UBASH3A: variants seen among roughly 807,000 people sequenced by gnomAD.
UBASH3A encodes ubiquitin associated and SH3 domain containing A.
Under a neutral mutation model 73.5 loss-of-function variants are expected in UBASH3A, and 63 were observed. That is an observed-to-expected ratio of 0.86 (90% CI 0.70 to 1.06). The LOEUF (loss-of-function observed/expected upper bound fraction) is 1.06. Ranked by LOEUF, UBASH3A falls within the 50% of genes least tolerant of loss-of-function variation. The pLI is 0.00. For synonymous variants in UBASH3A, 363 were observed against 351.1 expected (o/e 1.03, Z -0.38); for missense variants, 860 against 859.0 (o/e 1.00, Z -0.02).
chr21:42,416,585 C>T lies in UBASH3A; in HGVS notation c.811C>T (p.Arg271Ter), dbSNP rs750130214. 53 of 1,602,138 alleles carry T rather than the reference C, an allele frequency of 3.3e-5. No homozygotes were observed. The highest frequency in any genetic ancestry group is 4.1e-5 in the Non-Finnish European group (48 of 1,174,770). ...SCQWTAALYS[R>*]DMRFVHYQTL... ...CCAGTGGACCGCAGCACTCTACTCC[C>T]GAGACATGCGCTTTGTGCACTACCA... Residue 271 changes from arginine to a stop codon, truncating the protein, a stop_gained, in exon 6 of 15, where the codon CGA becomes TGA. Coordinates refer to ENST00000319294, the MANE Select transcript of UBASH3A (RefSeq NM_018961.4). LOFTEE classifies it high-confidence loss of function.
At chr21:42,441,189 A>G (rs772018391) in intron 11 of UBASH3A, among the ~76,000 whole-genome samples, 3 of 152,150 alleles carry the variant, frequency 2.0e-5, no homozygotes, top group Non-Finnish European at 2.9e-5. Flanking sequence ...CCTGCTTATC[A>G]GATGGTGTCT....
chr21:42,411,456 GCAC>G (rs1169215097), intron 3 of UBASH3A, among the ~76,000 whole-genome samples: 4 of 150,554 alleles, frequency 2.7e-5, no homozygotes, highest in African/African-American at 7.3e-5. Flanking sequence ...ACACACATAA[GCAC>G]CACATGCACA....
At chr21:42,409,872 C>T (rs1270831937) in intron 3 of UBASH3A, among the ~76,000 whole-genome samples, 1 of 152,146 alleles carries the variant, frequency 6.6e-6, no homozygotes, top group East Asian at 1.9e-4. Context: ...GAGTTGCTGC[C>T]CATTTTCTCG....
intron 11 of UBASH3A, among the ~76,000 whole-genome samples, chr21:42,439,701 CCACA>C (rs941670620): frequency 7.3e-6 from 1 of 137,844 alleles, no homozygotes; most frequent in Admixed American, 7.2e-5. Context: ...CTACACACAC[CCACA>C]CACACACCAT....
intron 1 of UBASH3A, among the ~76,000 whole-genome samples, chr21:42,405,991 G>A (rs542877299): frequency 6.7e-6 from 1 of 148,922 alleles, no homozygotes; most frequent in African/African-American, 2.6e-5. Flanking sequence ...AGTGGGGGGG[G>A]GGGGGGCAGG....
At chr21:42,446,123 C>G (rs750219638) in intron 14 of UBASH3A, among the ~76,000 whole-genome samples, 116 of 152,328 alleles carry the variant, frequency 7.6e-4, no homozygotes, top group Middle Eastern at 3.4e-3. Context: ...AACCCATGAG[C>G]CTTTGTGGCC....
chr21:42,417,664 G>A (rs4296513), intron 6 of UBASH3A: 1 of 151,920 alleles, frequency 6.6e-6, no homozygotes, highest in Non-Finnish European at 1.5e-5. Context: ...GATGGGTTTA[G>A]AAACGAAGTG....
Position 42,410,135 on chromosome 21 carries a change from G to GA in UBASH3A, c.354+535dup, listed in dbSNP as rs376818643. On this transcript the variant is annotated intron_variant, in intron 3 of 14. Coordinates refer to ENST00000319294, the MANE Select transcript of UBASH3A (RefSeq NM_018961.4). ...TCTCAGGGACCAGCCGTCTGATTCA[G>GA]AAAAAAAATGGCCCAGTGGGTAGCT... The GA allele has an allele frequency of 3.3e-5, 23 of 701,906 alleles. No individual in the cohort carries two copies. The Middle Eastern group carries it at 7.1e-4, about 22-fold the overall frequency. The allele number at this position is 701,906 out of a possible 1,614,324, so 43.5% of individuals were successfully genotyped here.
chr21:42,443,334 C>G lies in UBASH3A; in HGVS notation c.1654C>G (p.Leu552Val). ...DYRPAFPLSA[L>V]MPAESYQEYM... ...CAGGCCCGCGTTTCCCCTGTCCGCC[C>G]TCATGCCGGCCGAGAGCTACCAGGA... is the stretch of plus-strand genomic sequence containing the variant. Residue 552 changes from leucine to valine, a missense_variant, in exon 13 of 15, where the codon CTC becomes GTC. Transcript: ENST00000319294. The G allele has an allele frequency of 6.2e-7, 1 of 1,613,402 alleles. No individual in the cohort carries two copies. Among genetic ancestry groups the G allele is most frequent in the South Asian group, 1.1e-5 (1 of 90,912 alleles).
At chr21:42,446,388 A>G (rs1205665505) in intron 14 of UBASH3A, among the ~76,000 whole-genome samples, 1 of 152,208 alleles carries the variant, frequency 6.6e-6, no homozygotes, top group Non-Finnish European at 1.5e-5. Flanking sequence ...CCTCGCCCAC[A>G]GCCTCTGCAA....
At chr21:42,416,748 A>G in intron 6 of UBASH3A, 137 bp downstream of exon 6, 2 of 870,618 alleles carry the variant, frequency 2.3e-6, no homozygotes, top group South Asian at 2.5e-5. Context: ...CCTGGCTAAC[A>G]TGGTGAAACC....
intron 13 of UBASH3A, among the ~76,000 whole-genome samples, chr21:42,444,265 C>G (rs1310376261): frequency 6.6e-6 from 1 of 152,214 alleles, no homozygotes. Flanking sequence ...GGGGCCCAGG[C>G]AGCCAGCGAC....
At chr21:42,416,646 A>G in intron 6 of UBASH3A, 35 bp downstream of exon 6, 2 of 1,476,312 alleles carry the variant, frequency 1.4e-6, no homozygotes, top group Non-Finnish European at 1.8e-6. Flanking sequence ...TAAGAAGCAG[A>G]TGAATGGGCT....
At position 42,403,918 on chromosome 21, in the gene UBASH3A, G is replaced by A. The variant is rs181763218; in HGVS notation, c.-28G>A. ...TATCTCCTCATTTCTGTGTGCAGGC[G>A]AGCTTCTTGGCCTAAGGGCAGGAAG... On this transcript the variant is annotated 5_prime_UTR_variant, in exon 1 of 15. Transcript: ENST00000319294. 189 of 1,403,036 alleles carry A rather than the reference G, an allele frequency of 1.3e-4. No individual in the cohort carries two copies. The Middle Eastern group carries it at 1.8e-3, about 14-fold the overall frequency. The allele number at this position is 1,403,036 out of a possible 1,614,324, so 86.9% of individuals were successfully genotyped here. A position where few individuals can be genotyped will look rare whatever the true frequency, so the allele number is the denominator to read the frequency against.
chr21:42,417,475 A>G (rs1446512001), intron 6 of UBASH3A: 2 of 150,840 alleles, frequency 1.3e-5, no homozygotes, highest in African/African-American at 4.8e-5. Flanking sequence ...GTAAAGATCT[A>G]TGAATACATG....
At chr21:42,412,874 C>T in intron 3 of UBASH3A, 150 bp from the exon 4 acceptor site, 3 of 747,876 alleles carry the variant, frequency 4.0e-6, no homozygotes, top group Non-Finnish European at 6.8e-6. Flanking sequence ...ATCCATAACC[C>T]CAGACACAAA....
intron 7 of UBASH3A, among the ~76,000 whole-genome samples, chr21:42,419,428 A>G (rs2053290357): frequency 6.6e-6 from 1 of 152,224 alleles, no homozygotes; most frequent in South Asian, 2.1e-4. Context: ...TATGTGACCA[A>G]CATCATCGCT....
rs780099501 is a variant in UBASH3A at position 42,432,165 on chromosome 21, CG to C, written c.1236del (p.Lys413ArgfsTer19). 11 of 1,613,424 alleles carry C rather than the reference CG, an allele frequency of 6.8e-6. No homozygotes were observed. The highest frequency in any genetic ancestry group is 1.7e-5 in the Admixed American group (1 of 59,950). On this transcript the variant is annotated frameshift_variant, in exon 9 of 15. Coordinates refer to ENST00000319294, the MANE Select transcript of UBASH3A (RefSeq NM_018961.4). LOFTEE classifies it high-confidence loss of function. ...RHGERVDQIF[G>X]KAWLQQCSTP... The stretch of plus-strand genomic sequence containing the variant: ...ACGGGGAGAGAGTGGATCAGATCTT[CG>C]GGAAGGCATGGCTGCAGCAATGCTC...
intron 3 of UBASH3A, among the ~76,000 whole-genome samples, chr21:42,412,645 T>G (rs1049413893): frequency 3.3e-5 from 5 of 152,128 alleles, no homozygotes; most frequent in Non-Finnish European, 5.9e-5. Context: ...CCTTGGAGTC[T>G]GCTAGAAACC....
Sources: gnomAD v4.1 joint callset for allele counts (sites outside exome capture counted in the v4.1 genomes callset) on GRCh38, gnomAD v4.1.1 for gene constraint, MANE v1.5 for transcripts, NCBI Gene and HGNC (gene_info 2026-07-23, HGNC 2026-07-21) for gene names.